Variants in CEP152 observed in about 807,000 individuals in gnomAD.
The protein encoded by CEP152 is centrosomal protein 152.
Under a neutral mutation model 188.9 loss-of-function variants are expected in CEP152, and 132 were observed. The ratio of observed to expected loss-of-function variants is 0.70; its 90% CI spans 0.61 to 0.81. The LOEUF (loss-of-function observed/expected upper bound fraction) is 0.81. Among genes scored for constraint, CEP152 ranks in the 30% least tolerant of loss-of-function variants. The pLI is 0.00. For missense variants in CEP152, 1,914 were observed against 1,969.8 expected, an observed-to-expected ratio of 0.97 and a Z score of 0.54; for synonymous variants, 649 against 666.6, an observed-to-expected ratio of 0.97 and a Z score of 0.41.
chr15:48,801,145 G>C (rs898540194), intron 2 of CEP152, among the ~76,000 whole-genome samples: 1 of 152,164 alleles, frequency 6.6e-6, no homozygotes, highest in Non-Finnish European at 1.5e-5. Context: ...CTTTGAACAG[G>C]TGACCTCTTA....
intron 13 of CEP152, among the ~76,000 whole-genome samples, chr15:48,769,295 T>C (rs905863378): frequency 6.6e-6 from 1 of 152,324 alleles, no homozygotes; most frequent in East Asian, 1.9e-4. Flanking sequence ...CTTATACAAA[T>C]GTCTCCAATT....
At chr15:48,741,829 T>C (rs777933081) in intron 25 of CEP152, 118 bp downstream of exon 25, 15 of 1,609,962 alleles carry the variant, frequency 9.3e-6, no homozygotes, top group Non-Finnish European at 1.2e-5. Context: ...TAAACCTCTC[T>C]TAACCCCCTA....
chr15:48,732,045 G>A (rs989362892), intron 2 of CEP152, among the ~76,000 whole-genome samples: 4 of 152,188 alleles, frequency 2.6e-5, no homozygotes, highest in South Asian at 2.1e-4. Context: ...AGTTGCTGGC[G>A]AGGTTGAGGA....
At chr15:48,799,627 A>G (rs1049411470) in intron 2 of CEP152, among the ~76,000 whole-genome samples, 3 of 152,220 alleles carry the variant, frequency 2.0e-5, no homozygotes, top group Non-Finnish European at 4.4e-5. Flanking sequence ...TCCACATGCA[A>G]GGTACTTGAA....
In CEP152 at chr15:48,739,364, TA is replaced by T. The variant is rs145983063; in HGVS notation, c.4094-77del. 8,112 of 1,457,668 alleles carry T rather than the reference TA, an allele frequency of 5.6e-3. 395 individuals carry two copies. In the African/African-American group the frequency reaches 0.11, roughly 19 times the overall value. 90.3% of individuals were successfully genotyped at this position (1,457,668 alleles called of 1,614,324 possible). A position where few individuals can be genotyped will look rare whatever the true frequency, so the allele number is the denominator to read the frequency against. ...GAAGATTCATCCTTGAACAAAAAAATAAAAAAAATTAAAAATAAGAAAAAAT... is the reference window on the plus strand; with the variant it reads ...GAAGATTCATCCTTGAACAAAAAAATAAAAAAATTAAAAATAAGAAAAAAT... On this transcript the variant is annotated intron_variant, in intron 26 of 26. Transcript: ENST00000380950.
chr15:48,754,196 C>T (rs550427153), intron 20 of CEP152, among the ~76,000 whole-genome samples: 20 of 152,210 alleles, frequency 1.3e-4, no homozygotes, highest in African/African-American at 4.3e-4. Flanking sequence ...CAACAAAAGC[C>T]GTAAACATCT....
At chr15:48,793,509 A>AT in intron 6 of CEP152, 48 bp from the exon 7 acceptor site, 1 of 1,524,060 alleles carries the variant, frequency 6.6e-7, no homozygotes. Flanking sequence ...CAAAATATAA[A>AT]TTTATAGTCA....
rs747163222 is a variant in CEP152 at position 48,797,260 on chromosome 15, T to C, written c.540+41A>G. 6.5e-5 allele frequency: 104 copies of C among 1,607,288 alleles called. 2 individuals carry two copies. In the East Asian group the frequency reaches 2.3e-3, roughly 35 times the overall value. On this transcript the variant is annotated intron_variant, in intron 5 of 26. Transcript: ENST00000380950. The stretch of plus-strand genomic sequence containing the variant: ...CACACAAACATCACGCAAATGCGTG[T>C]GCACACACACAAGTTCTTGAAAGTC...
intron 18 of CEP152, among the ~76,000 whole-genome samples, chr15:48,761,194 C>T (rs1460315996): frequency 6.6e-6 from 1 of 152,076 alleles, no homozygotes; most frequent in African/African-American, 2.4e-5. Context: ...CTTTTGAAAC[C>T]CCCTTCAGTA....
chr15:48,747,225 G>A (rs1359243876), intron 22 of CEP152, among the ~76,000 whole-genome samples: 7 of 152,214 alleles, frequency 4.6e-5, no homozygotes, highest in Non-Finnish European at 7.4e-5. Context: ...ATTATTGCCA[G>A]TGTCCAGGCA....
chr15:48,740,167 A>C lies in CEP152; in HGVS notation c.4094-879T>G, dbSNP rs1052233999. Among the ~76,000 whole-genome samples the C allele has an allele frequency of 7.2e-5, 11 of 152,220 alleles. 1 individual carries two copies. The highest frequency in any genetic ancestry group is 7.2e-4 in the Admixed American group (11 of 15,278). On this transcript the variant is annotated intron_variant, in intron 26 of 26. Coordinates refer to ENST00000380950, the MANE Select transcript of CEP152 (RefSeq NM_001194998.2). ...TGCTTTATATAAAGCTGTATGATCTACAGAAAGAAAACAATTACAGTTTCT... is the reference window on the plus strand; with the variant it reads ...TGCTTTATATAAAGCTGTATGATCTCCAGAAAGAAAACAATTACAGTTTCT...
At position 48,752,478 on chromosome 15, in the gene CEP152, A is replaced by C. The variant is rs759848985; in HGVS notation, c.3346-9T>G. The C allele has an allele frequency of 2.5e-6, 4 of 1,612,984 alleles. No individual in the cohort carries two copies. The highest frequency in any genetic ancestry group is 3.4e-6 in the Non-Finnish European group (4 of 1,179,988). On this transcript the variant is annotated splice_polypyrimidine_tract_variant and intron_variant, in intron 20 of 26. Coordinates refer to ENST00000380950, the MANE Select transcript of CEP152 (RefSeq NM_001194998.2). Reference sequence around the variant, plus strand: ...AGCTCGGCCATATTTCTCTGAAATAAAGTATCTTCAAAGTTAATGCTTAGT... The same window carrying C: ...AGCTCGGCCATATTTCTCTGAAATACAGTATCTTCAAAGTTAATGCTTAGT...
intron 22 of CEP152, among the ~76,000 whole-genome samples, chr15:48,746,207 C>A (rs983729132): frequency 6.6e-6 from 1 of 152,080 alleles, no homozygotes; most frequent in Non-Finnish European, 1.5e-5. Context: ...TAAATTCTGA[C>A]CCAGACCCTT....
chr15:48,798,817 G>T (rs936665952), intron 2 of CEP152, among the ~76,000 whole-genome samples: 1 of 152,082 alleles, frequency 6.6e-6, no homozygotes, highest in Admixed American at 6.5e-5. Context: ...AATTTCAAAT[G>T]TGATAAAAAG....
chr15:48,769,851 G>A (rs1018603519), intron 13 of CEP152, among the ~76,000 whole-genome samples: 3 of 152,186 alleles, frequency 2.0e-5, no homozygotes, highest in South Asian at 2.1e-4. Context: ...TTCCAGAAAT[G>A]TCATCCAAAT....
chr15:48,772,837 C>A, intron 12 of CEP152, 146 bp from the exon 13 acceptor site: 1 of 698,896 alleles, frequency 1.4e-6, no homozygotes, highest in South Asian at 1.7e-5. Flanking sequence ...TAAATGTTGT[C>A]ATACACAAGG....
At chr15:48,796,624 A>T (rs978064158) in intron 5 of CEP152, among the ~76,000 whole-genome samples, 1 of 152,170 alleles carries the variant, frequency 6.6e-6, no homozygotes. Context: ...CATTCTACGG[A>T]GATAGAATTA....
intron 1 of CEP152, among the ~76,000 whole-genome samples, chr15:48,809,255 C>G (rs149019629): frequency 6.6e-6 from 1 of 152,118 alleles, no homozygotes; most frequent in Non-Finnish European, 1.5e-5. Context: ...TTACCTTATA[C>G]GAATTCATTA....
intron 8 of CEP152, among the ~76,000 whole-genome samples, chr15:48,789,690 A>G (rs559241999): frequency 2.0e-5 from 3 of 152,356 alleles, no homozygotes; most frequent in Admixed American, 2.0e-4. Flanking sequence ...GAAAAGTCAG[A>G]ACCAGAGAGA....
Sources: allele counts gnomAD v4.1 joint callset (sites outside exome capture counted in the v4.1 genomes callset), GRCh38; gene constraint gnomAD v4.1.1; transcripts MANE v1.5; gene names NCBI Gene and HGNC (gene_info 2026-07-23, HGNC 2026-07-21).